Variants in ZNF707 observed in about 807,000 individuals in gnomAD.
The protein encoded by ZNF707 is zinc finger protein 707.
ZNF707 carries 8 observed loss-of-function variants against 13.3 expected under a neutral mutation model. That is an observed-to-expected ratio of 0.60 (90% CI 0.35 to 1.09). The LOEUF (loss-of-function observed/expected upper bound fraction) is 1.09, where lower values mean the gene tolerates loss of function less well. ZNF707 is among the 50% of genes least tolerant of loss of function. The pLI, the probability that ZNF707 is intolerant of heterozygous loss-of-function variation, is 0.02. For missense variants in ZNF707, 530 were observed against 512.6 expected, an observed-to-expected ratio of 1.03 and a Z score of -0.33; for synonymous variants, 225 against 205.6, an observed-to-expected ratio of 1.09 and a Z score of -0.81.
Position 143,694,296 on chromosome 8 carries a change from C to G in ZNF707, c.882C>G (p.Gly294=). The change falls in exon 6 of 6, where the codon GGC becomes GGG. Residue 294 remains glycine, a synonymous_variant. Transcript: ENST00000358656. The surrounding 1 kb of genome is among the most constrained non-coding windows in gnomAD (Gnocchi z 4.4). ...GERPFYCADC[G]KAFRTKENLS... ...GGCCGTTCTACTGCGCGGACTGCGG[C>G]AAAGCCTTCCGGACCAAGGAGAACC... 7 of 1,599,106 alleles carry G rather than the reference C, an allele frequency of 4.4e-6. No homozygotes were observed. The highest frequency in any genetic ancestry group is 1.3e-5 in the African/African-American group (1 of 74,616).
rs1271636768 is a variant in ZNF707 at position 143,693,905 on chromosome 8, G to C, written c.491G>C (p.Arg164Thr). The C allele has an allele frequency of 2.5e-6, 4 of 1,605,676 alleles. No individual in the cohort carries two copies. The highest frequency in any genetic ancestry group is 2.6e-6 in the Non-Finnish European group (3 of 1,175,348). ...TQRCGRRPGR[R>T]ERRKQRAVEL... is the part of the protein sequence containing the mutation. ...CGTTGTGGGCGGCGGCCGGGCCGCAGAGAGCGCCGGAAGCAGCGCGCAGTA... is the reference window on the plus strand; with the variant it reads ...CGTTGTGGGCGGCGGCCGGGCCGCACAGAGCGCCGGAAGCAGCGCGCAGTA... Residue 164 changes from arginine (R) to threonine (T), a missense_variant, in exon 6 of 6, where the codon AGA (arginine) becomes ACA (threonine). Transcript: ENST00000358656. The surrounding 1 kb of genome is among the most constrained non-coding windows in gnomAD (Gnocchi z 4.1).
In ZNF707 at chr8:143,694,788, A is replaced by C. The variant is rs914409396; in HGVS notation, c.*258A>C. ...CGCCCCGGCGCCGGGCATCCTGGGGATGTGCTGAGAGTGTGCGCGACCCCG... is the reference window on the plus strand; with the variant it reads ...CGCCCCGGCGCCGGGCATCCTGGGGCTGTGCTGAGAGTGTGCGCGACCCCG... On this transcript the variant is annotated 3_prime_UTR_variant, in exon 6 of 6. Coordinates refer to ENST00000358656, the MANE Select transcript of ZNF707 (RefSeq NM_001100598.2). The surrounding 1 kb of genome is among the most constrained non-coding windows in gnomAD (Gnocchi z 4.4). The C allele has an allele frequency of 7.0e-5, 34 of 487,492 alleles. No individual in the cohort carries two copies. The highest frequency in any genetic ancestry group is 7.2e-5 in the Non-Finnish European group (20 of 277,576). 30.2% of individuals were successfully genotyped at this position (487,492 alleles called of 1,614,324 possible). A position where few individuals can be genotyped will look rare whatever the true frequency, so the allele number is the denominator to read the frequency against.
chr8:143,691,287 T>C (rs2131528014), intron 4 of ZNF707, 88 bp downstream of exon 4: 2 of 1,501,298 alleles, frequency 1.3e-6, no homozygotes, highest in Middle Eastern at 2.3e-4. Context: ...TCCAGGACAG[T>C]AGTGGGGCCT....
chr8:143,690,859 C>T (rs554941041), intron 3 of ZNF707: 46 of 642,018 alleles, frequency 7.2e-5, no homozygotes, highest in Non-Finnish European at 1.2e-4. Context: ...GGTCAGGGCC[C>T]CTCCCTTCTG....
intron 4 of ZNF707, 64 bp downstream of exon 4, chr8:143,691,263 C>T (rs782520880): frequency 6.5e-7 from 1 of 1,546,326 alleles, no homozygotes; most frequent in African/African-American, 1.4e-5. Flanking sequence ...GCCGCTGCCT[C>T]TGGGCCCAGC....
At position 143,689,273 on chromosome 8, in the gene ZNF707, A is replaced by G. The variant is rs1816580963; in HGVS notation, c.-81A>G. Reference sequence around the variant, plus strand: ...ATACTTCCATGTCTGTAGGGTCTAGAGTGACATCTCCTCCCCTCCCCTGAC... The same window carrying G: ...ATACTTCCATGTCTGTAGGGTCTAGGGTGACATCTCCTCCCCTCCCCTGAC... On this transcript the variant is annotated 5_prime_UTR_variant, in exon 2 of 6. Transcript: ENST00000358656. 1 of 152,142 alleles carries G rather than the reference A, an allele frequency of 6.6e-6. No individual in the cohort carries two copies. The highest frequency in any genetic ancestry group is 1.5e-5 in the Non-Finnish European group (1 of 68,086). The allele number at this position is 152,142 out of a possible 1,614,324, so 9.4% of individuals were successfully genotyped here. A position where few individuals can be genotyped will look rare whatever the true frequency, so the allele number is the denominator to read the frequency against.
chr8:143,691,474 G>C (rs1172696013), intron 4 of ZNF707, 126 bp from the exon 5 acceptor site: 1 of 1,132,976 alleles, frequency 8.8e-7, no homozygotes, highest in Admixed American at 2.7e-5. Flanking sequence ...CTGCTTTGGG[G>C]TGGCTTCTCC....
chr8:143,693,436 C>T lies in ZNF707; in HGVS notation c.257-235C>T, dbSNP rs376593261. On this transcript the variant is annotated intron_variant, in intron 5 of 5. Coordinates refer to ENST00000358656, the MANE Select transcript of ZNF707 (RefSeq NM_001100598.2). This position sits in a 1 kb window ranked among gnomAD's most constrained non-coding sequence, Gnocchi z 4.1. ...CCGAGTAGCTGGGACCACAGGCGCC[C>T]GCCACTGCGCCCGGCTAATTTTTTG... Among the ~76,000 whole-genome samples the T allele has an allele frequency of 0.011, 1,737 of 151,216 alleles. 35 individuals carry two copies. Among genetic ancestry groups the T allele is most frequent in the African/African-American group, 0.04 (1,654 of 41,270 alleles).
Position 143,690,096 on chromosome 8 carries a change from C to A in ZNF707, c.-13C>A. ...GCACTGTGCTTCCCCAGAGGGGTGGCCTCGCTGTTCCCATGGACATGGCCC... is the reference window on the plus strand; with the variant it reads ...GCACTGTGCTTCCCCAGAGGGGTGGACTCGCTGTTCCCATGGACATGGCCC... On this transcript the variant is annotated 5_prime_UTR_variant, in exon 3 of 6. Coordinates refer to ENST00000358656, the MANE Select transcript of ZNF707 (RefSeq NM_001100598.2). The A allele has an allele frequency of 6.2e-7, 1 of 1,608,550 alleles. No individual in the cohort carries two copies. The highest frequency in any genetic ancestry group is 1.1e-5 in the South Asian group (1 of 91,064).
chr8:143,693,202 T>C lies in ZNF707; in HGVS notation c.257-469T>C, dbSNP rs528567709. 3.9e-5 allele frequency among the ~76,000 whole-genome samples: 6 copies of C among 152,262 alleles called. No individual in the cohort carries two copies. Among genetic ancestry groups the C allele is most frequent in the African/African-American group, 1.4e-4 (6 of 41,544 alleles). On this transcript the variant is annotated intron_variant, in intron 5 of 5. Coordinates refer to ENST00000358656, the MANE Select transcript of ZNF707 (RefSeq NM_001100598.2). This position sits in a 1 kb window ranked among gnomAD's most constrained non-coding sequence, Gnocchi z 4.1. Reference sequence around the variant, plus strand: ...CTCATCTGTGTTTCTTTGAACGAGTTTTCCTGATCACTCGTAACCATGTGG... The same window carrying C: ...CTCATCTGTGTTTCTTTGAACGAGTCTTCCTGATCACTCGTAACCATGTGG...
intron 4 of ZNF707, 34 bp downstream of exon 4, chr8:143,691,233 G>A (rs1554613529): frequency 3.2e-6 from 5 of 1,586,610 alleles, no homozygotes; most frequent in Admixed American, 1.7e-5. Flanking sequence ...TGAGCACAGG[G>A]TGAGTGCTGG....
chr8:143,691,642 A>C lies in ZNF707; in HGVS notation c.185A>C (p.Gln62Pro). 1 of 1,609,998 alleles carries C rather than the reference A, an allele frequency of 6.2e-7. No homozygotes were observed. The highest frequency in any genetic ancestry group is 8.5e-7 in the Non-Finnish European group (1 of 1,178,532). Reference sequence around the variant, plus strand: ...CCAGACCTCGTCTCTCGCCTGGAACAGTGGGAGGAGCCGTGGGTTGAAGAC... The same window carrying C: ...CCAGACCTCGTCTCTCGCCTGGAACCGTGGGAGGAGCCGTGGGTTGAAGAC... Reference protein sequence around the residue: ...PRPDLVSRLEQWEEPWVEDRE... With the variant: ...PRPDLVSRLEPWEEPWVEDRE... Residue 62 changes from glutamine (Q) to proline (P), a missense_variant, in exon 5 of 6, where the codon CAG becomes CCG. Coordinates refer to ENST00000358656, the MANE Select transcript of ZNF707 (RefSeq NM_001100598.2).
chr8:143,685,248 G>A (rs569718282), intron 1 of ZNF707, among the ~76,000 whole-genome samples: 1 of 152,164 alleles, frequency 6.6e-6, no homozygotes, highest in Non-Finnish European at 1.5e-5. Context: ...AGCTTAGCCA[G>A]GCAAGGTGGC....
In ZNF707 at chr8:143,685,950, G is replaced by A. The variant is rs903747219; in HGVS notation, c.-151+1408G>A. Among the ~76,000 whole-genome samples the A allele has an allele frequency of 1.2e-4, 18 of 152,202 alleles. 1 individual carries two copies. Among genetic ancestry groups the A allele is most frequent in the African/African-American group, 4.1e-4 (17 of 41,446 alleles). On this transcript the variant is annotated intron_variant, in intron 1 of 5. Coordinates refer to ENST00000358656, the MANE Select transcript of ZNF707 (RefSeq NM_001100598.2). ...TTTGTTGCATTACACATGAAACCAC[G>A]GCTCAGGAGGCCTTGAGGAATCTGG... is the stretch of plus-strand genomic sequence containing the variant.
chr8:143,694,438 A>C lies in ZNF707; in HGVS notation c.1024A>C (p.Arg342=). ...CCACCGGAGGCTGCACCTGACGAAGAGGTTCTACGAGTGCGGCCACTGTGG... is the reference window on the plus strand; with the variant it reads ...CCACCGGAGGCTGCACCTGACGAAGCGGTTCTACGAGTGCGGCCACTGTGG... ...SIHRRLHLTK[R]FYECGHCGKG... The change falls in exon 6 of 6, where the codon AGG becomes CGG. Residue 342 remains arginine (R), a synonymous_variant. Coordinates refer to ENST00000358656, the MANE Select transcript of ZNF707 (RefSeq NM_001100598.2). The surrounding 1 kb of genome is among the most constrained non-coding windows in gnomAD (Gnocchi z 4.4). The C allele has an allele frequency of 4.3e-6, 7 of 1,612,318 alleles. No individual in the cohort carries two copies. Among genetic ancestry groups the C allele is most frequent in the African/African-American group, 1.3e-5 (1 of 74,990 alleles).
Position 143,694,269 on chromosome 8 carries a change from G to C in ZNF707, c.855G>C (p.Glu285Asp). The part of the protein sequence containing the change: ...LLRHQLVHTG[E>D]RPFYCADCGK... ...GACACCAGCTGGTGCACACCGGGGA[G>C]CGGCCGTTCTACTGCGCGGACTGCG... The change falls in exon 6 of 6, where the codon GAG (glutamate) becomes GAC (aspartate). Residue 285 changes from glutamate (E) to aspartate (D), a missense_variant. Coordinates refer to ENST00000358656, the MANE Select transcript of ZNF707 (RefSeq NM_001100598.2). This position sits in a 1 kb window ranked among gnomAD's most constrained non-coding sequence, Gnocchi z 4.4. 1 of 1,594,404 alleles carries C rather than the reference G, an allele frequency of 6.3e-7. No homozygotes were observed. Among genetic ancestry groups the C allele is most frequent in the Non-Finnish European group, 8.5e-7 (1 of 1,170,442 alleles).
At chr8:143,689,933 C>G (rs1816645033) in intron 2 of ZNF707, 124 bp from the exon 3 acceptor site, 4 of 742,378 alleles carry the variant, frequency 5.4e-6, no homozygotes, top group Non-Finnish European at 8.9e-6. Flanking sequence ...AGAGCAGACC[C>G]TGTGTGTGCA....
At chr8:143,686,803 G>GCCTGAATTTGTAA (rs1816318574) in intron 1 of ZNF707, 1 of 137,972 alleles carries the variant, frequency 7.2e-6, no homozygotes, top group African/African-American at 2.8e-5. Flanking sequence ...ACTGCACCCC[G>GCCTGAATTTGTAA]TCTCCTTTTT....
chr8:143,684,689 TC>T (rs1816090285), intron 1 of ZNF707, 147 bp downstream of exon 1: 2 of 152,554 alleles, frequency 1.3e-5, no homozygotes, highest in South Asian at 4.1e-4. Flanking sequence ...CCTCGGCTAT[TC>T]GGGGGCTGTT....
Sources: gnomAD v4.1 joint callset for allele counts (sites outside exome capture counted in the v4.1 genomes callset) on GRCh38, gnomAD v4.1.1 for gene constraint, Gnocchi (gnomAD v3.1) non-coding constraint, MANE v1.5 for transcripts, NCBI Gene and HGNC (gene_info 2026-07-23, HGNC 2026-07-21) for gene names.